The following SNRNP48 variants were observed in gnomAD, a reference collection of about 807,000 sequenced individuals.
SNRNP48 encodes small nuclear ribonucleoprotein U11/U12 subunit 48, also known as U11/U12 small nuclear ribonucleoprotein 48 kDa protein.
A neutral mutation model predicts 47.0 loss-of-function variants in SNRNP48; 43 were observed. The ratio of observed to expected loss-of-function variants is 0.92; its 90% CI spans 0.72 to 1.18. SNRNP48 has a LOEUF of 1.18. Among genes scored for constraint, SNRNP48 ranks in the 50% most tolerant of loss-of-function variants. The probability of loss-of-function intolerance (pLI) is 0.00; values close to 1 mark genes in which losing one functional copy is unlikely to be tolerated. For missense variants in SNRNP48, 396 were observed against 422.2 expected (o/e 0.94, Z 0.54); for synonymous variants, 138 against 144.0 (o/e 0.96, Z 0.30).
In SNRNP48 at chr6:7,598,511, A is replaced by T. The variant is rs568299771; in HGVS notation, c.407-2825A>T. ...CTCTGTCTCAAAAAAAGAAAAAAAA[A>T]TTTTTTTTTATATCCTCTGTAGAGT... On this transcript the variant is annotated intron_variant, in intron 4 of 8. Coordinates refer to ENST00000342415, the MANE Select transcript of SNRNP48 (RefSeq NM_152551.4). Among the ~76,000 whole-genome samples, 16 of 151,550 alleles carry T rather than the reference A, an allele frequency of 1.1e-4. No individual in the cohort carries two copies. In the South Asian group the frequency reaches 1.3e-3, roughly 12 times the overall value.
intron 5 of SNRNP48, 96 bp from the exon 6 acceptor site, chr6:7,602,526 AC>A: frequency 1.0e-6 from 1 of 977,582 alleles, no homozygotes; most frequent in African/African-American, 1.7e-5. Context: ...CTACTTTGAA[AC>A]AAGTTAAAAT....
At position 7,608,949 on chromosome 6, in the gene SNRNP48, T is replaced by G; in HGVS notation, c.*76T>G. ...TACAGATATATTAATTGGAATTCCT[T>G]TGCATAGGAGAATGTTTTTATGATC... On this transcript the variant is annotated 3_prime_UTR_variant, in exon 9 of 9. Transcript: ENST00000342415. 15 of 745,600 alleles carry G rather than the reference T, an allele frequency of 2.0e-5. No homozygotes were observed. The highest frequency in any genetic ancestry group is 2.9e-5 in the Non-Finnish European group (14 of 489,940). The allele number at this position is 745,600 out of a possible 1,614,324, so 46.2% of individuals were successfully genotyped here. A position where few individuals can be genotyped will look rare whatever the true frequency, so the allele number is the denominator to read the frequency against.
intron 4 of SNRNP48, among the ~76,000 whole-genome samples, chr6:7,595,973 A>G (rs979251413): frequency 6.6e-6 from 1 of 152,140 alleles, no homozygotes; most frequent in Admixed American, 6.5e-5. Flanking sequence ...CATCAAAAAC[A>G]TAGACATAGG....
Position 7,590,425 on chromosome 6 carries a change from G to A in SNRNP48, c.156+12G>A. On this transcript the variant is annotated intron_variant, in intron 1 of 8. Transcript: ENST00000342415. Reference sequence around the variant, plus strand: ...AGGAGGCGGCGGAGGTGAGGAGCGCGGCCGCGGGGCCCTTTCGGGGACTAT... The same window carrying A: ...AGGAGGCGGCGGAGGTGAGGAGCGCAGCCGCGGGGCCCTTTCGGGGACTAT... 1 of 1,283,442 alleles carries A rather than the reference G, an allele frequency of 7.8e-7. No homozygotes were observed. Among genetic ancestry groups the A allele is most frequent in the Non-Finnish European group, 9.9e-7 (1 of 1,005,090 alleles). 79.5% of individuals were successfully genotyped at this position (1,283,442 alleles called of 1,614,324 possible).
intron 6 of SNRNP48, among the ~76,000 whole-genome samples, 154 bp downstream of exon 6, chr6:7,602,898 C>T (rs2113721289): frequency 6.6e-6 from 1 of 152,256 alleles, no homozygotes; most frequent in East Asian, 1.9e-4. Context: ...CTAGATCCAC[C>T]CTTTAGCAAG....
chr6:7,595,162 T>C (rs1243630503), intron 4 of SNRNP48, 61 bp downstream of exon 4: 2 of 1,401,066 alleles, frequency 1.4e-6, no homozygotes, highest in African/African-American at 3.0e-5. Flanking sequence ...CTCATAAGCA[T>C]GTTACTAATT....
chr6:7,601,239 T>C, intron 4 of SNRNP48, 97 bp from the exon 5 acceptor site: 1 of 947,394 alleles, frequency 1.1e-6, no homozygotes, highest in South Asian at 1.9e-5. Flanking sequence ...TGTGTTAATA[T>C]TGCATTATTA....
chr6:7,599,240 T>G (rs1759967049), intron 4 of SNRNP48, among the ~76,000 whole-genome samples: 1 of 152,184 alleles, frequency 6.6e-6, no homozygotes, highest in African/African-American at 2.4e-5. Flanking sequence ...GAATGTTATA[T>G]GTTTAAGATC....
At chr6:7,590,872 G>A (rs1435722261) in intron 1 of SNRNP48, among the ~76,000 whole-genome samples, 1 of 152,130 alleles carries the variant, frequency 6.6e-6, no homozygotes, top group Non-Finnish European at 1.5e-5. Context: ...CAGCTATTTG[G>A]GAGGCTGGGG....
chr6:7,602,473 C>A, intron 5 of SNRNP48, 150 bp from the exon 6 acceptor site: 1 of 561,332 alleles, frequency 1.8e-6, no homozygotes, highest in South Asian at 3.4e-5. Flanking sequence ...AAACTTAGCC[C>A]GTGTATATAA....
chr6:7,597,904 C>G (rs553308331), intron 4 of SNRNP48, among the ~76,000 whole-genome samples: 1 of 147,366 alleles, frequency 6.8e-6, no homozygotes, highest in African/African-American at 2.5e-5. Context: ...CTTGCTCTCT[C>G]GCCCAGGCTG....
At chr6:7,597,122 G>A (rs1228028328) in intron 4 of SNRNP48, among the ~76,000 whole-genome samples, 2 of 152,100 alleles carry the variant, frequency 1.3e-5, no homozygotes, top group Non-Finnish European at 2.9e-5. Context: ...TAAGTTGAAC[G>A]ATATTTTCCC....
At chr6:7,598,156 C>T (rs1396608275) in intron 4 of SNRNP48, among the ~76,000 whole-genome samples, 1 of 151,514 alleles carries the variant, frequency 6.6e-6, no homozygotes, top group Non-Finnish European at 1.5e-5. Flanking sequence ...CGGGAGCCAC[C>T]GCGCCTGGCC....
chr6:7,608,800 T>C (rs200856216), intron 8 of SNRNP48, 25 bp from the exon 9 acceptor site: 2 of 1,424,702 alleles, frequency 1.4e-6, no homozygotes, highest in Non-Finnish European at 1.9e-6. Flanking sequence ...TTTATAACCA[T>C]TTTTTTATAC....
intron 8 of SNRNP48, among the ~76,000 whole-genome samples, chr6:7,606,488 T>A (rs906058324): frequency 6.6e-6 from 1 of 152,252 alleles, no homozygotes; most frequent in Non-Finnish European, 1.5e-5. Flanking sequence ...GGACATTAAC[T>A]GTTAAACACG....
In SNRNP48 at chr6:7,605,476, G is replaced by C. The variant is rs374532079; in HGVS notation, c.796G>C (p.Asp266His). The C allele has an allele frequency of 1.5e-5, 25 of 1,613,784 alleles. No homozygotes were observed. The African/African-American group carries it at 3.3e-4, about 22-fold the overall frequency. Residue 266 changes from aspartate to histidine, a missense_variant, in exon 7 of 9, where the codon GAT (aspartate) becomes CAT (histidine). Asp to His is a moderately conservative substitution (Grantham distance 81, BLOSUM62 -1). Coordinates refer to ENST00000342415, the MANE Select transcript of SNRNP48 (RefSeq NM_152551.4). Reference protein sequence around the residue: ...WQEEQEKAEDDAEKNEERRSA... With the variant: ...WQEEQEKAEDHAEKNEERRSA... ...AGAAGAGCAAGAGAAGGCAGAGGAT[G>C]ATGCCGAAAAGTACGTCATTATCTT...
rs1488528681 is a variant in SNRNP48, at chr6:7,590,297, C to T, written c.40C>T (p.Leu14=). The T allele has an allele frequency of 1.5e-6, 2 of 1,376,934 alleles. No individual in the cohort carries two copies. Among genetic ancestry groups the T allele is most frequent in the South Asian group, 2.0e-5 (1 of 50,098 alleles). 85.3% of individuals were successfully genotyped at this position (1,376,934 alleles called of 1,614,324 possible). A position where few individuals can be genotyped will look rare whatever the true frequency, so the allele number is the denominator to read the frequency against. Residue 14 remains leucine (L), a synonymous_variant, in exon 1 of 9, where the codon CTG becomes TTG. Transcript: ENST00000342415. ...EPPPVEERRR[L]QEELNEFVES... is the part of the protein sequence containing the mutation. The stretch of plus-strand genomic sequence containing the variant: ...TCCACCTGTGGAGGAGCGGCGGCGG[C>T]TGCAGGAGGAGCTGAACGAGTTCGT...
chr6:7,594,247 A>T, intron 3 of SNRNP48, 88 bp downstream of exon 3: 3 of 609,854 alleles, frequency 4.9e-6, no homozygotes, highest in Non-Finnish European at 8.1e-6. Context: ...GGATTGTATA[A>T]GCATGCTTAT....
At chr6:7,595,437 G>C (rs1759887293) in intron 4 of SNRNP48, among the ~76,000 whole-genome samples, 2 of 152,114 alleles carry the variant, frequency 1.3e-5, no homozygotes, top group African/African-American at 4.8e-5. Context: ...ATTTAATTTA[G>C]GATTTTTTCA....
Sources: gnomAD v4.1 joint callset for allele counts (sites outside exome capture counted in the v4.1 genomes callset) on GRCh38, gnomAD v4.1.1 for gene constraint, MANE v1.5 for transcripts, NCBI Gene and HGNC (gene_info 2026-07-23, HGNC 2026-07-21) for gene names.